Variants in TSKU observed in about 807,000 individuals in gnomAD.
The protein encoded by TSKU is tsukushi, small leucine rich proteoglycan.
In TSKU, 4 loss-of-function variants were observed where a neutral mutation model predicts 11.2. The observed-to-expected ratio is 0.36, with a 90% confidence interval of 0.18 to 0.82. TSKU has a LOEUF of 0.82. Ranked by LOEUF, TSKU falls within the 40% of genes least tolerant of loss-of-function variation. The probability of loss-of-function intolerance (pLI) is 0.50; values close to 1 mark genes in which losing one functional copy is unlikely to be tolerated. For missense variants in TSKU, 407 were observed against 482.5 expected, an observed-to-expected ratio of 0.84 and a Z score of 1.47; for synonymous variants, 220 against 232.2, an observed-to-expected ratio of 0.95 and a Z score of 0.48.
rs781528735 is a variant in TSKU, at chr11:76,795,761, C to G, written c.145C>G (p.Pro49Ala). 4 of 1,614,160 alleles carry G rather than the reference C, an allele frequency of 2.5e-6. No homozygotes were observed. In the East Asian group the frequency reaches 6.7e-5, roughly 27 times the overall value. The change falls in exon 2 of 2, where the codon CCC becomes GCC. Residue 49 changes from proline to alanine, a missense_variant. Coordinates refer to ENST00000333090, the MANE Select transcript of TSKU (RefSeq NM_015516.4). ...TCGGGTGGATTGTAGCGGCCTGGGCCCCCACATCATGCCGGTGCCCATCCC... is the reference window on the plus strand; with the variant it reads ...TCGGGTGGATTGTAGCGGCCTGGGCGCCCACATCATGCCGGTGCCCATCCC... ...LTRVDCSGLG[P>A]HIMPVPIPLD... is the part of the protein sequence containing the mutation.
intron 1 of TSKU, chr11:76,792,525 C>T (rs1395083077): frequency 6.6e-6 from 1 of 152,154 alleles, no homozygotes; most frequent in Non-Finnish European, 1.5e-5. Flanking sequence ...ACCCAAATCT[C>T]AACTTGAATT....
chr11:76,789,272 A>T (rs1025717053), intron 1 of TSKU, among the ~76,000 whole-genome samples: 1 of 152,144 alleles, frequency 6.6e-6, no homozygotes, highest in Non-Finnish European at 1.5e-5. Context: ...AATCCAGATG[A>T]GGGGCTGGGG....
Position 76,796,242 on chromosome 11 carries a change from A to C in TSKU, c.626A>C (p.Tyr209Ser), listed in dbSNP as rs754672198. The change falls in exon 2 of 2, where the codon TAC becomes TCC. Residue 209 changes from tyrosine (Y) to serine (S), a missense_variant. Physicochemically the swap from Tyr to Ser is moderately radical, Grantham distance 144. Transcript: ENST00000333090. The surrounding 1 kb of genome is among the most constrained non-coding windows in gnomAD (Gnocchi z 4.1). The part of the protein sequence containing the change: ...VPNLRDLPLR[Y>S]LSLDGNPLAV... ...AACCTCCGAGACTTGCCCCTGCGCTACCTGAGCCTGGATGGGAACCCTCTA... is the reference window on the plus strand; with the variant it reads ...AACCTCCGAGACTTGCCCCTGCGCTCCCTGAGCCTGGATGGGAACCCTCTA... The C allele has an allele frequency of 3.1e-6, 5 of 1,612,688 alleles. No homozygotes were observed. In the East Asian group the frequency reaches 1.1e-4, roughly 36 times the overall value.
At chr11:76,785,337 C>G (rs930794238) in intron 1 of TSKU, among the ~76,000 whole-genome samples, 3 of 152,336 alleles carry the variant, frequency 2.0e-5, no homozygotes, top group Admixed American at 1.3e-4. Flanking sequence ...GTTTTCAGAG[C>G]AAGGCTGGCC....
At chr11:76,789,068 TC>T (rs1297863371) in intron 1 of TSKU, among the ~76,000 whole-genome samples, 1 of 152,192 alleles carries the variant, frequency 6.6e-6, no homozygotes, top group Non-Finnish European at 1.5e-5. Context: ...AGGTCCCAGG[TC>T]CTGGGCCCTG....
intron 1 of TSKU, among the ~76,000 whole-genome samples, chr11:76,788,347 A>G (rs1395349805): frequency 6.6e-6 from 1 of 152,024 alleles, no homozygotes; most frequent in Non-Finnish European, 1.5e-5. Flanking sequence ...GTAGTGCAGC[A>G]CCAGGGTCAG....
chr11:76,795,298 G>A (rs1470528591), intron 1 of TSKU, among the ~76,000 whole-genome samples: 1 of 152,244 alleles, frequency 6.6e-6, no homozygotes, highest in Non-Finnish European at 1.5e-5. Flanking sequence ...GTGGGCAGAA[G>A]TCGAGGGCTT....
intron 1 of TSKU, among the ~76,000 whole-genome samples, chr11:76,785,192 G>A (rs1944299729): frequency 6.6e-6 from 1 of 152,214 alleles, no homozygotes; most frequent in African/African-American, 2.4e-5. Context: ...AAATGGAGAG[G>A]GAAGGGAGGG....
At chr11:76,795,567 C>A in intron 1 of TSKU, 42 bp from the exon 2 acceptor site, 1 of 1,579,794 alleles carries the variant, frequency 6.3e-7, no homozygotes. Context: ...TGGCTTTAGA[C>A]CATCTGGTGC....
chr11:76,783,278 G>T (rs1434891258), upstream of TSKU: 2 of 150,450 alleles, frequency 1.3e-5, no homozygotes, highest in Non-Finnish European at 1.5e-5. Context: ...GCCCGGCAGG[G>T]GGGAGCCTGG....
intron 1 of TSKU, among the ~76,000 whole-genome samples, chr11:76,785,152 A>G (rs933932086): frequency 2.6e-5 from 4 of 152,210 alleles, no homozygotes; most frequent in Admixed American, 1.3e-4. Flanking sequence ...CTCCAACACC[A>G]GGAAAGGCAA....
intron 1 of TSKU, among the ~76,000 whole-genome samples, chr11:76,786,644 C>T (rs889830665): frequency 6.6e-6 from 1 of 152,004 alleles, no homozygotes; most frequent in Non-Finnish European, 1.5e-5. Context: ...TTGAGCCTGA[C>T]CTGGACAGGG....
In TSKU at chr11:76,796,831, G is replaced by A. The variant is rs1304442164; in HGVS notation, c.*153G>A. 1.9e-6 allele frequency: 1 copy of A among 532,296 alleles called. No individual in the cohort carries two copies. The highest frequency in any genetic ancestry group is 1.9e-5 in the African/African-American group (1 of 51,760). 33.0% of individuals were successfully genotyped at this position (532,296 alleles called of 1,614,324 possible). On this transcript the variant is annotated 3_prime_UTR_variant, in exon 2 of 2. Transcript: ENST00000333090. This position sits in a 1 kb window ranked among gnomAD's most constrained non-coding sequence, Gnocchi z 4.1. ...GAGTTGTGGGCCTAGGAGAGGCTTT[G>A]GACCTGGGAGCCACACCTAGGAGCA...
intron 1 of TSKU, among the ~76,000 whole-genome samples, chr11:76,794,099 A>G (rs374352218): frequency 1.3e-5 from 2 of 152,268 alleles, no homozygotes; most frequent in African/African-American, 4.8e-5. Flanking sequence ...GGCTAGAAGG[A>G]AGCTTAGTGC....
chr11:76,790,880 A>C (rs1318016576), intron 1 of TSKU, among the ~76,000 whole-genome samples: 1 of 152,210 alleles, frequency 6.6e-6, no homozygotes, highest in African/African-American at 2.4e-5. Context: ...GGTAACAAGC[A>C]GAGGTTGGAA....
chr11:76,795,236 G>A (rs1350993718), intron 1 of TSKU, among the ~76,000 whole-genome samples: 2 of 152,200 alleles, frequency 1.3e-5, no homozygotes, highest in Non-Finnish European at 2.9e-5. Context: ...CCGAGAAACC[G>A]TCTAGTCTGG....
At chr11:76,783,890 C>A (rs969485118) in intron 1 of TSKU, among the ~76,000 whole-genome samples, 10 of 152,140 alleles carry the variant, frequency 6.6e-5, no homozygotes, top group Non-Finnish European at 1.3e-4. Flanking sequence ...GCACCGAGAG[C>A]CCAACGCCGC....
In TSKU at chr11:76,796,507, G is replaced by A. The variant is rs763758772; in HGVS notation, c.891G>A (p.Ala297=). ...CCAACCTGGTGCCCCTGCCTGAGGC[G>A]CTGCTCCTCCACCTCCCGGCACTGC... The part of the protein sequence containing the change: ...SGTNLVPLPE[A]LLLHLPALQS... The change falls in exon 2 of 2, where the codon GCG becomes GCA. Residue 297 remains alanine (A), a synonymous_variant. Transcript: ENST00000333090. The surrounding 1 kb of genome is among the most constrained non-coding windows in gnomAD (Gnocchi z 4.1). The A allele has an allele frequency of 1.1e-5, 18 of 1,612,076 alleles. No individual in the cohort carries two copies. The South Asian group carries it at 1.3e-4, about 12-fold the overall frequency.
intron 1 of TSKU, among the ~76,000 whole-genome samples, chr11:76,793,088 C>T (rs1160448031): frequency 2.0e-5 from 3 of 152,380 alleles, no homozygotes; most frequent in South Asian, 4.1e-4. Context: ...GGCATAGGCC[C>T]GGCACAGAGC....
Sources: gnomAD v4.1 joint callset for allele counts (sites outside exome capture counted in the v4.1 genomes callset) on GRCh38, gnomAD v4.1.1 for gene constraint, Gnocchi (gnomAD v3.1) non-coding constraint, MANE v1.5 for transcripts, NCBI Gene and HGNC (gene_info 2026-07-23, HGNC 2026-07-21) for gene names.